Variants in EAPP observed in about 807,000 individuals in gnomAD.
EAPP encodes the protein E2F-associated phosphoprotein.
Under a neutral mutation model 34.3 loss-of-function variants are expected in EAPP, and 38 were observed. The ratio of observed to expected loss-of-function variants is 1.11; its 90% CI spans 0.85 to 1.45. The LOEUF (loss-of-function observed/expected upper bound fraction) is 1.45, where lower values mean the gene tolerates loss of function less well. Among genes scored for constraint, EAPP ranks in the 40% most tolerant of loss-of-function variants. EAPP has a pLI of 0.00. For missense variants in EAPP, 338 were observed against 343.7 expected, an observed-to-expected ratio of 0.98 and a Z score of 0.13; for synonymous variants, 113 against 117.6, an observed-to-expected ratio of 0.96 and a Z score of 0.25.
intron 5 of EAPP, 119 bp downstream of exon 5, chr14:34,524,578 T>C (rs1372875771): frequency 4.1e-6 from 3 of 733,848 alleles, no homozygotes; most frequent in Non-Finnish European, 6.7e-6. Context: ...ATTGTGCCAC[T>C]GCACTCCAGC....
At chr14:34,527,711 GTCACATACTGTATAATATCCCAT>G in intron 4 of EAPP, among the ~76,000 whole-genome samples, 1 of 152,126 alleles carries the variant, frequency 6.6e-6, no homozygotes, top group African/African-American at 2.4e-5. Context: ...GATATAAAAG[GTCACATACTGTATAATATCCCAT>G]TCATAAGAAA....
chr14:34,518,391 A>G (rs1050569023), intron 5 of EAPP, among the ~76,000 whole-genome samples: 1 of 135,316 alleles, frequency 7.4e-6, no homozygotes, highest in Admixed American at 8.2e-5. Flanking sequence ...CTGCAGTGCA[A>G]TAGCACGATC....
At chr14:34,532,909 T>A (rs1480281293) in intron 3 of EAPP, among the ~76,000 whole-genome samples, 2 of 152,192 alleles carry the variant, frequency 1.3e-5, no homozygotes, top group Non-Finnish European at 1.5e-5. Context: ...ACTCCTGACC[T>A]CAGGCAATCT....
rs138525168 is a variant in EAPP at position 34,529,510 on chromosome 14, C to T, written c.353-35G>A. 961 of 1,376,566 alleles carry T rather than the reference C, an allele frequency of 7.0e-4. 12 individuals are homozygous for T. In the African/African-American group the frequency reaches 0.012, roughly 18 times the overall value. The allele number at this position is 1,376,566 out of a possible 1,614,324, so 85.3% of individuals were successfully genotyped here. On this transcript the variant is annotated intron_variant, in intron 3 of 5. Transcript: ENST00000250454. ...AAAATATTAGGATATGGCTAAGAAT[C>T]ATGTGTCAAGTTCACACTTCTTTAA...
chr14:34,528,828 TA>T (rs892381921), intron 4 of EAPP, among the ~76,000 whole-genome samples: 1 of 148,954 alleles, frequency 6.7e-6, no homozygotes, highest in African/African-American at 2.5e-5. Flanking sequence ...TCAACAAGTT[TA>T]AAAAAAAACA....
At chr14:34,536,680 G>A (rs960587033) in intron 1 of EAPP, among the ~76,000 whole-genome samples, 1 of 151,652 alleles carries the variant, frequency 6.6e-6, no homozygotes, top group South Asian at 2.1e-4. Context: ...ATGGGGTTTC[G>A]CCATGTTGCC....
chr14:34,531,602 A>AAAAT (rs1566449743), intron 3 of EAPP, among the ~76,000 whole-genome samples: 1 of 152,044 alleles, frequency 6.6e-6, no homozygotes, highest in Non-Finnish European at 1.5e-5. Flanking sequence ...ACTTTGTCTC[A>AAAAT]AAATAAATAA....
intron 1 of EAPP, among the ~76,000 whole-genome samples, chr14:34,538,130 C>G (rs1189222776): frequency 6.6e-6 from 1 of 152,144 alleles, no homozygotes; most frequent in Non-Finnish European, 1.5e-5. Flanking sequence ...GTAATCCTAG[C>G]ACTTTGGGAG....
At chr14:34,527,639 G>C (rs1242330011) in intron 4 of EAPP, among the ~76,000 whole-genome samples, 3 of 152,158 alleles carry the variant, frequency 2.0e-5, no homozygotes, top group Admixed American at 6.6e-5. Context: ...AAGTAGAGAA[G>C]TACTGACATG....
At chr14:34,535,437 A>ATTTTTTT (rs71121207) in intron 2 of EAPP, among the ~76,000 whole-genome samples, 1 of 135,298 alleles carries the variant, frequency 7.4e-6, no homozygotes, top group Non-Finnish European at 1.6e-5. Flanking sequence ...GTCGCTACAG[A>ATTTTTTT]TTTTTTTTTT....
intron 5 of EAPP, among the ~76,000 whole-genome samples, chr14:34,524,455 T>C (rs1880026070): frequency 6.6e-6 from 1 of 151,816 alleles, no homozygotes; most frequent in Non-Finnish European, 1.5e-5. Flanking sequence ...TAGATCTAGA[T>C]ACACACAAAA....
chr14:34,523,361 C>T (rs8004692), intron 5 of EAPP, among the ~76,000 whole-genome samples: 3,640 of 151,624 alleles, frequency 0.024, 161 homozygotes, highest in African/African-American at 0.085. Context: ...CCTCAGCCTC[C>T]GGAGTAGCTG....
At chr14:34,536,674 G>A (rs937486094) in intron 1 of EAPP, among the ~76,000 whole-genome samples, 1 of 151,478 alleles carries the variant, frequency 6.6e-6, no homozygotes, top group Admixed American at 6.6e-5. Flanking sequence ...GTCGAAATGG[G>A]GTTTCGCCAT....
At chr14:34,537,451 C>T (rs1880514822) in intron 1 of EAPP, among the ~76,000 whole-genome samples, 1 of 152,208 alleles carries the variant, frequency 6.6e-6, no homozygotes, top group African/African-American at 2.4e-5. Flanking sequence ...ACCAAAGTCT[C>T]AGTTTTCAGC....
chr14:34,528,497 C>G (rs186850101), intron 4 of EAPP, among the ~76,000 whole-genome samples: 1 of 140,118 alleles, frequency 7.1e-6, no homozygotes, highest in Admixed American at 7.7e-5. Context: ...TCTCAGCTCA[C>G]TGCAACCTCC....
chr14:34,525,103 CCAA>C (rs1371207462), intron 4 of EAPP, among the ~76,000 whole-genome samples: 1 of 152,048 alleles, frequency 6.6e-6, no homozygotes, highest in African/African-American at 2.4e-5. Flanking sequence ...GGATTACAAC[CCAA>C]AGTATAAATA....
At chr14:34,537,344 G>A (rs190847263) in intron 1 of EAPP, among the ~76,000 whole-genome samples, 85 of 152,258 alleles carry the variant, frequency 5.6e-4, no homozygotes, top group African/African-American at 1.9e-3. Flanking sequence ...GTGAATCTAC[G>A]AAAACTTCAA....
At chr14:34,520,659 G>A (rs1308532956) in intron 5 of EAPP, among the ~76,000 whole-genome samples, 2 of 151,784 alleles carry the variant, frequency 1.3e-5, no homozygotes, top group Non-Finnish European at 2.9e-5. Context: ...ATGCCACCAT[G>A]CTCAGCTAAT....
intron 4 of EAPP, among the ~76,000 whole-genome samples, chr14:34,526,402 TG>T (rs1272104142): frequency 2.0e-5 from 3 of 151,952 alleles, no homozygotes; most frequent in Admixed American, 1.3e-4. Flanking sequence ...CACTCCAGCC[TG>T]GGCAACAGAG....
Sources: gnomAD v4.1 joint callset for allele counts (sites outside exome capture counted in the v4.1 genomes callset) on GRCh38, gnomAD v4.1.1 for gene constraint, MANE v1.5 for transcripts, NCBI Gene and HGNC (gene_info 2026-07-23, HGNC 2026-07-21) for gene names.